Variants in TMEM232 observed in about 807,000 individuals in gnomAD.
TMEM232 encodes the protein transmembrane protein 232.
Under a neutral mutation model 78.8 loss-of-function variants are expected in TMEM232, and 80 were observed. That is an observed-to-expected ratio of 1.01 (90% confidence interval 0.85 to 1.22). The LOEUF is 1.22. Ranked by LOEUF, TMEM232 falls within the 50% of genes most tolerant of loss-of-function variation. The pLI is 0.00. For synonymous variants in TMEM232, 297 were observed against 254.3 expected (o/e 1.17, Z -1.60); for missense variants, 881 against 742.2 (o/e 1.19, Z -2.17).
intron 12 of TMEM232, among the ~76,000 whole-genome samples, chr5:110,506,313 C>A (rs1580980665): frequency 6.6e-6 from 1 of 151,958 alleles, no homozygotes; most frequent in East Asian, 1.9e-4. Flanking sequence ...GTCTGTTTTC[C>A]TCAGATGGTT....
At chr5:110,473,143 T>A (rs1762864587) in intron 12 of TMEM232, among the ~76,000 whole-genome samples, 2 of 150,934 alleles carry the variant, frequency 1.3e-5, no homozygotes, top group Non-Finnish European at 3.0e-5. Context: ...ACCAACAGTG[T>A]GAAGAGACAA....
intron 5 of TMEM232, among the ~76,000 whole-genome samples, chr5:110,637,287 C>T (rs559774840): frequency 4.0e-5 from 6 of 151,630 alleles, no homozygotes; most frequent in Non-Finnish European, 7.4e-5. Flanking sequence ...CCTCCATCTA[C>T]GCAAAGCTCA....
intron 12 of TMEM232, among the ~76,000 whole-genome samples, chr5:110,483,679 A>G (rs1284491077): frequency 6.6e-6 from 1 of 152,064 alleles, no homozygotes; most frequent in Non-Finnish European, 1.5e-5. Flanking sequence ...CAGCACACCA[A>G]CATGGCACAT....
chr5:110,629,995 G>C (rs1475551856), intron 5 of TMEM232, among the ~76,000 whole-genome samples: 1 of 152,152 alleles, frequency 6.6e-6, no homozygotes, highest in East Asian at 1.9e-4. Flanking sequence ...ACTGCATATA[G>C]AGCGGGTGAT....
At chr5:110,408,513 A>G (rs1490295780) in intron 2 of TMEM232, among the ~76,000 whole-genome samples, 3 of 152,018 alleles carry the variant, frequency 2.0e-5, no homozygotes, top group Admixed American at 1.3e-4. Flanking sequence ...AATTGCTTGA[A>G]TCCAGGAGAA....
intron 10 of TMEM232, among the ~76,000 whole-genome samples, chr5:110,572,426 A>T (rs1777057446): frequency 6.6e-6 from 1 of 152,082 alleles, no homozygotes; most frequent in South Asian, 2.1e-4. Flanking sequence ...CAATATTACA[A>T]ATAAAACATA....
chr5:110,473,180 A>C (rs1207570978), intron 12 of TMEM232, among the ~76,000 whole-genome samples: 1 of 152,034 alleles, frequency 6.6e-6, no homozygotes, highest in East Asian at 1.9e-4. Flanking sequence ...AAATTTTTGC[A>C]AACTATACTT....
At chr5:110,555,125 T>G (rs755576166) in intron 11 of TMEM232, among the ~76,000 whole-genome samples, 1 of 152,196 alleles carries the variant, frequency 6.6e-6, no homozygotes, top group Non-Finnish European at 1.5e-5. Context: ...TTGAGATCTT[T>G]TAAACATTTT....
chr5:110,627,826 CT>C lies in TMEM232; in HGVS notation c.555del (p.Glu186LysfsTer38). ...CTAAGTAAATGTTGTTTAAAACTTT[CT>C]AGATGACCATGCAGGAAAAATATAA... ...RLFIFFLHGHLESFKQHLLRL... is the reference protein window; with the variant it reads ...RLFIFFLHGHXESFKQHLLRL... On this transcript the variant is annotated frameshift_variant, in exon 6 of 14. Transcript: ENST00000455884. LOFTEE classifies it high-confidence loss of function. 1 of 1,537,294 alleles carries C rather than the reference CT, an allele frequency of 6.5e-7. No homozygotes were observed. The highest frequency in any genetic ancestry group is 2.5e-5 in the East Asian group (1 of 40,496).
In TMEM232 at chr5:110,605,149, T is replaced by TA; in HGVS notation, c.1235dup (p.Leu412PhefsTer16). ...TTGAAGAGAAATATTCCAAAAGACT[T>TA]AAAATACTTGTTTCCTTTAATTCTG... On this transcript the variant is annotated frameshift_variant, in exon 10 of 14. Transcript: ENST00000455884. LOFTEE classifies it high-confidence loss of function. 6.5e-7 allele frequency: 1 copy of TA among 1,548,736 alleles called. No individual in the cohort carries two copies.
rs766337968 is a variant in TMEM232 at position 110,424,863 on chromosome 5, G to A, written c.1757C>T (p.Thr586Ile). The A allele has an allele frequency of 6.5e-7, 1 of 1,550,198 alleles. No homozygotes were observed. The highest frequency in any genetic ancestry group is 2.5e-5 in the East Asian group (1 of 40,798). Residue 586 changes from threonine (T) to isoleucine (I), a missense_variant, in exon 13 of 14, where the codon ACC becomes ATC. Transcript: ENST00000455884. ...TTTTGCCAACTCTTTATCTGCCTTG[G>A]TGAAGAAATCTGGATATGGAAACAT... ...IPMFPYPDFF[T>I]KADKELAKII...
At chr5:110,401,417 G>C (rs531776971) in intron 2 of TMEM232, among the ~76,000 whole-genome samples, 2 of 152,010 alleles carry the variant, frequency 1.3e-5, no homozygotes, top group East Asian at 3.9e-4. Context: ...GGTACGACAT[G>C]CCTCTCTGGC....
intron 1 of TMEM232, among the ~76,000 whole-genome samples, chr5:110,701,710 C>T (rs532628001): frequency 4.3e-4 from 66 of 152,054 alleles, no homozygotes; most frequent in African/African-American, 1.5e-3. Flanking sequence ...TCAAGTTATA[C>T]CAAAAGTCCA....
At chr5:110,620,532 T>C (rs1783497208) in intron 7 of TMEM232, among the ~76,000 whole-genome samples, 1 of 150,898 alleles carries the variant, frequency 6.6e-6, no homozygotes, top group Admixed American at 6.6e-5. Context: ...CTTCTAACAC[T>C]CTCTTATTAA....
chr5:110,562,219 C>G (rs1775832226), intron 11 of TMEM232, among the ~76,000 whole-genome samples: 1 of 152,112 alleles, frequency 6.6e-6, no homozygotes, highest in Non-Finnish European at 1.5e-5. Flanking sequence ...ATCTCTGTTT[C>G]CATGAAACCA....
At chr5:110,432,845 C>G (rs191791813) in intron 12 of TMEM232, among the ~76,000 whole-genome samples, 1 of 151,610 alleles carries the variant, frequency 6.6e-6, no homozygotes, top group East Asian at 1.9e-4. Flanking sequence ...ATTCTTAAAT[C>G]AGATAAAATT....
At chr5:110,684,121 T>C (rs947953208) in intron 1 of TMEM232, among the ~76,000 whole-genome samples, 2 of 151,960 alleles carry the variant, frequency 1.3e-5, no homozygotes, top group Non-Finnish European at 2.9e-5. Flanking sequence ...TAATGATAAA[T>C]CATTGGAAGC....
intron 1 of TMEM232, among the ~76,000 whole-genome samples, chr5:110,684,158 A>G (rs996665401): frequency 1.3e-5 from 2 of 152,032 alleles, no homozygotes; most frequent in Non-Finnish European, 2.9e-5. Flanking sequence ...GAAACCATAA[A>G]AGGGTGTCTA....
chr5:110,539,272 G>A (rs1429434161), intron 11 of TMEM232, among the ~76,000 whole-genome samples: 2 of 152,154 alleles, frequency 1.3e-5, no homozygotes, highest in African/African-American at 4.8e-5. Context: ...GCACCCAGAG[G>A]TGAGGTATTA....
Sources: gnomAD v4.1 joint callset for allele counts (sites outside exome capture counted in the v4.1 genomes callset) on GRCh38, gnomAD v4.1.1 for gene constraint, MANE v1.5 for transcripts, NCBI Gene and HGNC (gene_info 2026-07-23, HGNC 2026-07-21) for gene names.